Variants in SNAP23 observed in about 807,000 individuals in gnomAD.
SNAP23 encodes the protein synaptosomal-associated protein 23.
In SNAP23, 11 loss-of-function variants were observed where a neutral mutation model predicts 29.0. That is an observed-to-expected ratio of 0.38 (90% CI 0.24 to 0.63). SNAP23 has a LOEUF of 0.63. Ranked by LOEUF, SNAP23 falls within the 20% of genes least tolerant of loss-of-function variation. The pLI is 0.58. For synonymous variants in SNAP23, 60 were observed against 82.9 expected (o/e 0.72, Z 1.50); for missense variants, 220 against 253.9 (o/e 0.87, Z 0.91).
At chr15:42,528,494 C>CT (rs2057528394) in intron 6 of SNAP23, 74 bp downstream of exon 6, 2 of 1,342,516 alleles carry the variant, frequency 1.5e-6, no homozygotes, top group East Asian at 4.6e-5. Context: ...TTTAGCAGTA[C>CT]ATGACCCCTA....
Position 42,515,346 on chromosome 15 carries a change from A to G in SNAP23, c.258A>G (p.Pro86=), listed in dbSNP as rs1446200182. 6.3e-7 allele frequency: 1 copy of G among 1,584,632 alleles called. No individual in the cohort carries two copies. Among genetic ancestry groups the G allele is most frequent in the Non-Finnish European group, 8.6e-7 (1 of 1,157,326 alleles). The change falls in exon 5 of 8, where the codon CCA becomes CCG. Residue 86 remains proline, a synonymous_variant. Coordinates refer to ENST00000249647, the MANE Select transcript of SNAP23 (RefSeq NM_003825.4). ...AATGCTGTGGCCTTTGTGTCTGCCC[A>G]TGTAATAGGTGAGTTGATAAATTAA... The part of the protein sequence containing the change: ...LNKCCGLCVC[P]CNRTKNFESG...
chr15:42,516,181 T>G (rs1193966731), intron 5 of SNAP23, among the ~76,000 whole-genome samples: 1 of 152,192 alleles, frequency 6.6e-6, no homozygotes, highest in South Asian at 2.1e-4. Context: ...GTTTTGTTTT[T>G]TTTCTGAGAC....
At chr15:42,516,951 G>A (rs769594386) in intron 5 of SNAP23, among the ~76,000 whole-genome samples, 15 of 152,086 alleles carry the variant, frequency 9.9e-5, no homozygotes, top group East Asian at 1.9e-4. Context: ...ACGGAGTCTC[G>A]CTCTGTCACC....
intron 1 of SNAP23, among the ~76,000 whole-genome samples, chr15:42,497,717 C>A (rs1279972977): frequency 6.6e-6 from 1 of 152,220 alleles, no homozygotes; most frequent in Non-Finnish European, 1.5e-5. Context: ...CCTCCAAAAT[C>A]TTAACTCATT....
intron 2 of SNAP23, chr15:42,512,430 G>A (rs908009057): frequency 7.1e-6 from 1 of 141,760 alleles, no homozygotes; most frequent in Non-Finnish European, 1.5e-5. Context: ...CCAGGCTGGA[G>A]TATAGTGATG....
At chr15:42,491,905 G>T (rs28756881), upstream of SNAP23, among the ~76,000 whole-genome samples, 719 of 77,684 alleles carry the variant, frequency 9.3e-3, 7 homozygotes, top group African/African-American at 0.028. Context: ...TATTTATTTA[G>T]TTAGTTAGTT....
At chr15:42,522,312 A>G (rs1376744576) in intron 5 of SNAP23, among the ~76,000 whole-genome samples, 3 of 152,178 alleles carry the variant, frequency 2.0e-5, no homozygotes, top group Non-Finnish European at 2.9e-5. Flanking sequence ...ATATGTTATA[A>G]ACTATTCTAT....
intron 1 of SNAP23, among the ~76,000 whole-genome samples, chr15:42,497,327 A>G (rs12324113): frequency 0.43 from 64,905 of 151,150 alleles, 19,091 homozygotes; most frequent in African/African-American, 0.84. Context: ...TTCTGCCTCA[A>G]CGTCCCAAGT....
intron 1 of SNAP23, among the ~76,000 whole-genome samples, chr15:42,508,185 G>A (rs965707980): frequency 6.6e-6 from 1 of 151,162 alleles, no homozygotes; most frequent in Non-Finnish European, 1.5e-5. Flanking sequence ...GATTGCTTGA[G>A]CCTGGGAGGG....
intron 4 of SNAP23, among the ~76,000 whole-genome samples, chr15:42,514,539 G>C (rs1417564380): frequency 6.6e-6 from 1 of 152,082 alleles, no homozygotes; most frequent in Non-Finnish European, 1.5e-5. Context: ...GAGTTGAGTT[G>C]GCCCTGAGTA....
At chr15:42,520,922 T>G in intron 5 of SNAP23, among the ~76,000 whole-genome samples, 1 of 152,276 alleles carries the variant, frequency 6.6e-6, no homozygotes, top group East Asian at 1.9e-4. Flanking sequence ...AAATTGGCAC[T>G]ACAGGTTTAC....
chr15:42,516,390 C>T (rs1254522642), intron 5 of SNAP23, among the ~76,000 whole-genome samples: 5 of 152,120 alleles, frequency 3.3e-5, no homozygotes, highest in South Asian at 2.1e-4. Flanking sequence ...AATGCAGTGG[C>T]GCAGTCTCAG....
intron 1 of SNAP23, among the ~76,000 whole-genome samples, chr15:42,509,702 T>A (rs1205423844): frequency 6.6e-6 from 1 of 151,882 alleles, no homozygotes; most frequent in African/African-American, 2.4e-5. Flanking sequence ...CCTCCCAAAG[T>A]ATTGGGATTA....
rs754573435 is a variant in SNAP23, at chr15:42,513,439, A to G, written c.140A>G (p.Glu47Gly). Residue 47 changes from glutamate to glycine, a missense_variant, in exon 4 of 8, where the codon GAA (glutamate) becomes GGA (glycine). Coordinates refer to ENST00000249647, the MANE Select transcript of SNAP23 (RefSeq NM_003825.4). The stretch of plus-strand genomic sequence containing the variant: ...ATCAAGACCATCACTATGCTGGATG[A>G]ACAAAAGGGTAAGTTAAATTATTAG... ...AGIKTITMLD[E>G]QKEQLNRIEE... The G allele has an allele frequency of 1.2e-6, 2 of 1,613,246 alleles. No individual in the cohort carries two copies. Among genetic ancestry groups the G allele is most frequent in the Non-Finnish European group, 8.5e-7 (1 of 1,179,178 alleles).
At chr15:42,530,421 T>C (rs1297250099) in intron 7 of SNAP23, among the ~76,000 whole-genome samples, 9 of 151,864 alleles carry the variant, frequency 5.9e-5, no homozygotes, top group South Asian at 2.1e-4. Flanking sequence ...GATATAAATA[T>C]AGTGAAAGCG....
At chr15:42,530,778 C>T (rs930539744) in intron 7 of SNAP23, among the ~76,000 whole-genome samples, 1 of 152,142 alleles carries the variant, frequency 6.6e-6, no homozygotes, top group African/African-American at 2.4e-5. Context: ...GAAAGTCATA[C>T]CTCATTAAAA....
intron 5 of SNAP23, among the ~76,000 whole-genome samples, chr15:42,524,879 G>A (rs2057484070): frequency 6.6e-6 from 1 of 152,094 alleles, no homozygotes; most frequent in African/African-American, 2.4e-5. Context: ...GAAACTCCAG[G>A]GTGATGGCCA....
intron 1 of SNAP23, among the ~76,000 whole-genome samples, chr15:42,503,458 C>T (rs2057292671): frequency 6.6e-6 from 1 of 151,482 alleles, no homozygotes; most frequent in African/African-American, 2.4e-5. Context: ...CAACCTCTGC[C>T]TCCTGGGTTC....
At chr15:42,512,075 A>G (rs1465131344) in intron 2 of SNAP23, 172 bp downstream of exon 2, 3 of 389,934 alleles carry the variant, frequency 7.7e-6, no homozygotes, top group African/African-American at 4.1e-5. Context: ...CTCACCAGAA[A>G]ACTAAAGTGA....
Sources: gnomAD v4.1 joint callset for allele counts (sites outside exome capture counted in the v4.1 genomes callset) on GRCh38, gnomAD v4.1.1 for gene constraint, MANE v1.5 for transcripts, NCBI Gene and HGNC (gene_info 2026-07-23, HGNC 2026-07-21) for gene names.